The following RAD51B variants were observed in gnomAD, a reference collection of about 807,000 sequenced individuals.
The protein encoded by RAD51B is DNA repair protein RAD51 homolog 2.
A neutral mutation model predicts 42.2 loss-of-function variants in RAD51B; 38 were observed. That is an observed-to-expected ratio of 0.90 (90% CI 0.70 to 1.18). The LOEUF is 1.18. Among genes scored for constraint, RAD51B ranks in the 50% most tolerant of loss-of-function variants. RAD51B has a pLI of 0.00. For synonymous variants in RAD51B, 154 were observed against 145.2 expected, an observed-to-expected ratio of 1.06 and a Z score of -0.43; for missense variants, 373 against 400.7, an observed-to-expected ratio of 0.93 and a Z score of 0.59.
At chr14:67,926,120 T>C (rs1305080253) in intron 7 of RAD51B, among the ~76,000 whole-genome samples, 1 of 152,150 alleles carries the variant, frequency 6.6e-6, no homozygotes, top group Non-Finnish European at 1.5e-5. Context: ...TTATTACTTA[T>C]GCAACTTTCT....
rs1885369732 is a variant in RAD51B at position 68,506,914 on chromosome 14, AAATCTGGC to A, written c.1036+38667_1036+38674del. Among the ~76,000 whole-genome samples, 3 of 152,284 alleles carry A rather than the reference AAATCTGGC, an allele frequency of 2.0e-5. No homozygotes were observed. In the South Asian group the frequency reaches 6.2e-4, roughly 32 times the overall value. ...TCTGTGAACATTCTCAGTTAGAAAA[AAATCTGGC>A]AACTCCCCATACCACAGGTGGGTAC... On this transcript the variant is annotated intron_variant, in intron 10 of 10. Coordinates refer to the RAD51B transcript ENST00000487270.
At chr14:68,067,759 A>T (rs1383092046) in intron 7 of RAD51B, among the ~76,000 whole-genome samples, 1 of 151,328 alleles carries the variant, frequency 6.6e-6, no homozygotes, top group Non-Finnish European at 1.5e-5. Flanking sequence ...GCAAGACCCC[A>T]TCTTTACAAA....
At chr14:67,866,938 T>C (rs2042350705) in intron 5 of RAD51B, among the ~76,000 whole-genome samples, 1 of 152,238 alleles carries the variant, frequency 6.6e-6, no homozygotes, top group Non-Finnish European at 1.5e-5. Context: ...CACAAGGAGC[T>C]CTTATGAAGG....
chr14:68,150,188 C>T (rs1028067892), intron 7 of RAD51B, among the ~76,000 whole-genome samples: 2 of 152,230 alleles, frequency 1.3e-5, no homozygotes, highest in African/African-American at 4.8e-5. Flanking sequence ...AGGTGATCCA[C>T]CCACCTTGGC....
intron 10 of RAD51B, among the ~76,000 whole-genome samples, chr14:68,533,937 G>A (rs192712486): frequency 1.3e-5 from 2 of 152,320 alleles, no homozygotes; most frequent in East Asian, 1.9e-4. Context: ...AGGGGCAAAG[G>A]CGTGTAAGGC....
rs575757665 is a variant in RAD51B at position 68,658,759 on chromosome 14, A to G, written c.*11+7903A>G. 7.2e-5 allele frequency among the ~76,000 whole-genome samples: 11 copies of G among 152,312 alleles called. No individual in the cohort carries two copies. The East Asian group carries it at 2.1e-3, about 29-fold the overall frequency. ...GATCATCAACACCATTGTCATCACC[A>G]TTTATTAAGTGCCTGATTTTGTGTG... On this transcript the variant is annotated intron_variant, in intron 11 of 11. Transcript: ENST00000488612.
intron 10 of RAD51B, among the ~76,000 whole-genome samples, chr14:68,639,407 A>C (rs1892408926): frequency 1.3e-5 from 1 of 75,926 alleles, no homozygotes; most frequent in South Asian, 4.8e-4. Context: ...TGAGCCAGGC[A>C]TTCCACCGGC....
At chr14:68,670,246 G>A (rs1315739478) in intron 11 of RAD51B, among the ~76,000 whole-genome samples, 3 of 152,170 alleles carry the variant, frequency 2.0e-5, no homozygotes, top group African/African-American at 4.8e-5. Context: ...GGGAGCTGGG[G>A]CTCTTCCAAA....
chr14:68,053,705 T>G (rs1165940909), intron 7 of RAD51B, among the ~76,000 whole-genome samples: 1 of 152,228 alleles, frequency 6.6e-6, no homozygotes, highest in Non-Finnish European at 1.5e-5. Flanking sequence ...TTTTAGGTTC[T>G]TGATAAAATA....
At chr14:68,568,879 C>T (rs1263179365) in intron 10 of RAD51B, among the ~76,000 whole-genome samples, 1 of 152,136 alleles carries the variant, frequency 6.6e-6, no homozygotes, top group Non-Finnish European at 1.5e-5. Flanking sequence ...TGATAAAACC[C>T]AGTGTGGGCA....
chr14:68,594,093 C>T (rs1258490489), intron 10 of RAD51B, among the ~76,000 whole-genome samples: 1 of 152,180 alleles, frequency 6.6e-6, no homozygotes, highest in East Asian at 1.9e-4. Context: ...AAATGTTTGC[C>T]CAAGGGCAGT....
At chr14:68,075,904 G>C (rs2076825930) in intron 7 of RAD51B, among the ~76,000 whole-genome samples, 3 of 152,240 alleles carry the variant, frequency 2.0e-5, no homozygotes, top group African/African-American at 7.2e-5. Context: ...TGCTGCAGCT[G>C]CAATGGCAGG....
intron 4 of RAD51B, among the ~76,000 whole-genome samples, chr14:67,837,026 T>C (rs1009880180): frequency 6.6e-6 from 1 of 152,088 alleles, no homozygotes; most frequent in African/African-American, 2.4e-5. Context: ...CTGTTTTAGA[T>C]ACTATATTTT....
chr14:68,237,669 A>G (rs1212480141), intron 7 of RAD51B, among the ~76,000 whole-genome samples: 2 of 150,116 alleles, frequency 1.3e-5, no homozygotes, highest in Non-Finnish European at 3.0e-5. Context: ...TTTAGCTATT[A>G]TAAATAATGC....
chr14:68,436,575 A>G (rs2085153887), intron 9 of RAD51B, among the ~76,000 whole-genome samples: 2 of 152,106 alleles, frequency 1.3e-5, no homozygotes, highest in South Asian at 4.1e-4. Context: ...TGGTAGTTTG[A>G]TAGGAATTGT....
In RAD51B at chr14:68,565,803, G is replaced by A. The variant is rs1428132363; in HGVS notation, c.1037-28682G>A. Among the ~76,000 whole-genome samples the A allele has an allele frequency of 6.6e-6, 1 of 152,156 alleles. No homozygotes were observed. The highest frequency in any genetic ancestry group is 1.5e-5 in the Non-Finnish European group (1 of 68,034). ...TATCTTATAAAACACTGCTGAAAAGGTGCATGTTGGAGAATGGTGTCTCAC... is the reference window on the plus strand; with the variant it reads ...TATCTTATAAAACACTGCTGAAAAGATGCATGTTGGAGAATGGTGTCTCAC... On this transcript the variant is annotated intron_variant, in intron 10 of 10. Coordinates refer to the RAD51B transcript ENST00000487270. The surrounding 1 kb of genome is among the most constrained non-coding windows in gnomAD (Gnocchi z 4.1).
intron 4 of RAD51B, among the ~76,000 whole-genome samples, chr14:67,838,475 C>A (rs982394175): frequency 3.3e-5 from 5 of 151,878 alleles, no homozygotes; most frequent in African/African-American, 1.2e-4. Flanking sequence ...CATGGTCTAG[C>A]TGTGTCACCT....
At chr14:68,190,006 A>G (rs917770368) in intron 7 of RAD51B, among the ~76,000 whole-genome samples, 1 of 152,196 alleles carries the variant, frequency 6.6e-6, no homozygotes, top group Non-Finnish European at 1.5e-5. Context: ...CTTTTGAAAG[A>G]TGCTTTTTAC....
intron 7 of RAD51B, among the ~76,000 whole-genome samples, chr14:67,957,220 G>A (rs562462871): frequency 3.1e-4 from 47 of 152,268 alleles, no homozygotes; most frequent in African/African-American, 1.1e-3. Context: ...GTAGGTGTTG[G>A]CATGGTTAAG....
Sources: gnomAD v4.1 joint callset for allele counts (sites outside exome capture counted in the v4.1 genomes callset) on GRCh38, gnomAD v4.1.1 for gene constraint, Gnocchi (gnomAD v3.1) non-coding constraint, MANE v1.5 for transcripts, NCBI Gene and HGNC (gene_info 2026-07-23, HGNC 2026-07-21) for gene names.